Variants in ITM2B observed in about 807,000 individuals in gnomAD.
ITM2B encodes the protein integral membrane protein 2B, also known as ABri/ADan amyloid peptide.
In ITM2B, 11 loss-of-function variants were observed where a neutral mutation model predicts 27.8. The ratio of observed to expected loss-of-function variants is 0.40; its 90% CI spans 0.25 to 0.66. The LOEUF is 0.66. ITM2B is among the 30% of genes least tolerant of loss of function. The pLI, the probability that ITM2B is intolerant of heterozygous loss-of-function variation, is 0.43. For missense variants in ITM2B, 296 were observed against 328.9 expected (o/e 0.90, Z 0.77); for synonymous variants, 114 against 114.3 (o/e 1.00, Z 0.02).
intron 1 of ITM2B, among the ~76,000 whole-genome samples, chr13:48,249,235 G>A (rs1274348245): frequency 6.6e-6 from 1 of 152,142 alleles, no homozygotes; most frequent in Non-Finnish European, 1.5e-5. Context: ...TGATAAAGAT[G>A]TGATCATATA....
At chr13:48,234,643 ATTTATTATAT>A (rs1178352055) in intron 1 of ITM2B, among the ~76,000 whole-genome samples, 5 of 152,192 alleles carry the variant, frequency 3.3e-5, no homozygotes, top group Non-Finnish European at 7.3e-5. Context: ...TCATATTATA[ATTTATTATAT>A]TCTGAATATA....
intron 1 of ITM2B, among the ~76,000 whole-genome samples, chr13:48,249,904 TTAAG>T (rs1253887102): frequency 2.6e-5 from 4 of 152,218 alleles, no homozygotes; most frequent in Admixed American, 1.3e-4. Flanking sequence ...GGCTTTTTCT[TTAAG>T]TAAAGCTTAC....
intron 1 of ITM2B, among the ~76,000 whole-genome samples, chr13:48,246,057 C>T (rs967641171): frequency 6.6e-6 from 1 of 152,180 alleles, no homozygotes; most frequent in Non-Finnish European, 1.5e-5. Flanking sequence ...GGATTACAGG[C>T]GTGAGCCACT....
intron 1 of ITM2B, among the ~76,000 whole-genome samples, chr13:48,238,982 A>G (rs1242632864): frequency 1.3e-5 from 2 of 152,178 alleles, no homozygotes; most frequent in African/African-American, 4.8e-5. Flanking sequence ...TTCTCTGCTT[A>G]TATATGATTA....
chr13:48,240,986 T>A (rs750715690), intron 1 of ITM2B, among the ~76,000 whole-genome samples: 1 of 152,234 alleles, frequency 6.6e-6, no homozygotes, highest in Non-Finnish European at 1.5e-5. Context: ...AGCAATCATA[T>A]TCACTTATTA....
intron 1 of ITM2B, among the ~76,000 whole-genome samples, chr13:48,240,457 A>G (rs1593388714): frequency 6.6e-6 from 1 of 152,108 alleles, no homozygotes; most frequent in African/African-American, 2.4e-5. Context: ...AACTACTATT[A>G]TTAAAGTCCC....
chr13:48,248,211 T>C (rs1245206725), intron 1 of ITM2B, among the ~76,000 whole-genome samples: 1 of 152,192 alleles, frequency 6.6e-6, no homozygotes, highest in African/African-American at 2.4e-5. Flanking sequence ...TGTGGTGTTA[T>C]ATGTTGTGCA....
Position 48,265,853 on chromosome 13 carries a change from T to C in ITM2B, c.*4629T>C, listed in dbSNP as rs917238089. 2.0e-5 allele frequency: 3 copies of C among 152,200 alleles called. No homozygotes were observed. Among genetic ancestry groups the C allele is most frequent in the Admixed American group, 1.3e-4 (2 of 15,264 alleles). 9.4% of individuals were successfully genotyped at this position (152,200 alleles called of 1,614,324 possible). ...CATTAGGAAAGGCTTCTCTTGTTTC[T>C]CAGTCTCATAGCATCATCTGTCTCT... On this transcript the variant is annotated 3_prime_UTR_variant, in exon 6 of 6. Coordinates refer to ENST00000647800, the MANE Select transcript of ITM2B (RefSeq NM_021999.5).
rs1951830294 is a variant in ITM2B, at chr13:48,262,809, A to T, written c.*1585A>T. On this transcript the variant is annotated 3_prime_UTR_variant, in exon 6 of 6. Coordinates refer to ENST00000647800, the MANE Select transcript of ITM2B (RefSeq NM_021999.5). Reference sequence around the variant, plus strand: ...AGAAAAACAGGTCTAGGTTCTTTGGAAAACATTTAGGAGAGTCAATGAGAC... The same window carrying T: ...AGAAAAACAGGTCTAGGTTCTTTGGTAAACATTTAGGAGAGTCAATGAGAC... The T allele has an allele frequency of 6.6e-6, 1 of 152,180 alleles. No individual in the cohort carries two copies. The highest frequency in any genetic ancestry group is 1.5e-5 in the Non-Finnish European group (1 of 68,034). The allele number at this position is 152,180 out of a possible 1,614,324, so 9.4% of individuals were successfully genotyped here.
intron 1 of ITM2B, among the ~76,000 whole-genome samples, chr13:48,245,434 CTTA>C (rs532282103): frequency 0.018 from 2,713 of 151,944 alleles, 67 homozygotes; most frequent in African/African-American, 0.061. Flanking sequence ...AGATTTTAAA[CTTA>C]TTATTCATAT....
chr13:48,260,594 A>G (rs150009960), intron 5 of ITM2B, among the ~76,000 whole-genome samples: 234 of 151,100 alleles, frequency 1.5e-3, no homozygotes, highest in African/African-American at 5.4e-3. Flanking sequence ...TTTAGCTCCT[A>G]TTTATAAGTG....
chr13:48,256,552 T>G (rs1951790379), intron 3 of ITM2B, among the ~76,000 whole-genome samples, 169 bp downstream of exon 3: 1 of 152,208 alleles, frequency 6.6e-6, no homozygotes, highest in Non-Finnish European at 1.5e-5. Context: ...TGATGCAGCC[T>G]TCTCATATCT....
chr13:48,241,243 G>A (rs1157964103), intron 1 of ITM2B, among the ~76,000 whole-genome samples: 3 of 152,176 alleles, frequency 2.0e-5, no homozygotes, highest in Non-Finnish European at 4.4e-5. Flanking sequence ...GCAGAGTCTT[G>A]CTCTGTCACC....
At chr13:48,257,250 T>C (rs528200456) in intron 3 of ITM2B, among the ~76,000 whole-genome samples, 1 of 152,332 alleles carries the variant, frequency 6.6e-6, no homozygotes, top group South Asian at 2.1e-4. Flanking sequence ...TAACTAAAGG[T>C]AACTGAAACT....
intron 1 of ITM2B, among the ~76,000 whole-genome samples, chr13:48,239,121 A>G (rs1044159626): frequency 2.6e-5 from 4 of 152,200 alleles, no homozygotes; most frequent in African/African-American, 9.6e-5. Flanking sequence ...GAGCTAGTCT[A>G]TTTAGCTTTG....
At chr13:48,251,190 C>T (rs1057454011) in intron 1 of ITM2B, among the ~76,000 whole-genome samples, 1 of 152,232 alleles carries the variant, frequency 6.6e-6, no homozygotes, top group Non-Finnish European at 1.5e-5. Flanking sequence ...CCAGCCAAAG[C>T]ACATGTGGCT....
rs1951842213 is a variant in ITM2B at position 48,264,621 on chromosome 13, A to G, written c.*3397A>G. 6.6e-6 allele frequency: 1 copy of G among 152,180 alleles called. No homozygotes were observed. The highest frequency in any genetic ancestry group is 2.4e-5 in the African/African-American group (1 of 41,448). 9.4% of individuals were successfully genotyped at this position (152,180 alleles called of 1,614,324 possible). On this transcript the variant is annotated 3_prime_UTR_variant, in exon 6 of 6. Coordinates refer to ENST00000647800, the MANE Select transcript of ITM2B (RefSeq NM_021999.5). Reference sequence around the variant, plus strand: ...TATAAATCCTACTCTATTGCACACTAATCTTTGCATGTTTAACTCTTTGGG... The same window carrying G: ...TATAAATCCTACTCTATTGCACACTGATCTTTGCATGTTTAACTCTTTGGG...
chr13:48,256,564 A>C (rs1951790418), intron 3 of ITM2B, among the ~76,000 whole-genome samples, 181 bp downstream of exon 3: 2 of 152,100 alleles, frequency 1.3e-5, no homozygotes, highest in Admixed American at 6.5e-5. Context: ...CTCATATCTT[A>C]TCTCTCCTTC....
chr13:48,261,122 T>C lies in ITM2B; in HGVS notation c.716-17T>C. ...AAAGAATCAAAATTTTAAAAAACTTTTTTCCCTCTCCAACAGGTATTCAGA... is the reference window on the plus strand; with the variant it reads ...AAAGAATCAAAATTTTAAAAAACTTCTTTCCCTCTCCAACAGGTATTCAGA... On this transcript the variant is annotated splice_polypyrimidine_tract_variant and intron_variant, in intron 5 of 5. Transcript: ENST00000647800. The C allele has an allele frequency of 6.3e-7, 1 of 1,590,188 alleles. No individual in the cohort carries two copies. The highest frequency in any genetic ancestry group is 1.1e-5 in the South Asian group (1 of 88,626).
Sources: gnomAD v4.1 joint callset for allele counts (sites outside exome capture counted in the v4.1 genomes callset) on GRCh38, gnomAD v4.1.1 for gene constraint, MANE v1.5 for transcripts, NCBI Gene and HGNC (gene_info 2026-07-23, HGNC 2026-07-21) for gene names.